The following HMGB1 variants were observed in gnomAD, a reference collection of about 807,000 sequenced individuals.
HMGB1 encodes high mobility group box 1, also known as high mobility group protein B1.
For synonymous variants in HMGB1, 81 were observed against 84.0 expected (o/e 0.96, Z 0.19); for missense variants, 79 against 253.5 (o/e 0.31, Z 4.67).
At chr13:30,564,786 A>G (rs901613083) in intron 1 of HMGB1, among the ~76,000 whole-genome samples, 2 of 152,258 alleles carry the variant, frequency 1.3e-5, no homozygotes, top group African/African-American at 4.8e-5. Flanking sequence ...ATGATGCCTC[A>G]TAGTACAGAA....
In HMGB1 at chr13:30,533,227, C is replaced by T. The variant is rs569278804; in HGVS notation, c.-14-69533G>A. ...ATGCAGGGAGGCACTGGGATTGGAG[C>T]CTGGGGACATTTGTGAAACCACAGC... On this transcript the variant is annotated intron_variant, in intron 1 of 4. Coordinates refer to the HMGB1 transcript ENST00000405805. 2.6e-5 allele frequency among the ~76,000 whole-genome samples: 4 copies of T among 152,306 alleles called. No homozygotes were observed. In the East Asian group the frequency reaches 7.7e-4, roughly 29 times the overall value.
chr13:30,500,682 C>T (rs1244675522), intron 1 of HMGB1, among the ~76,000 whole-genome samples: 1 of 150,560 alleles, frequency 6.6e-6, no homozygotes, highest in East Asian at 1.9e-4. Context: ...GCTGGGATCA[C>T]AGGTGTGCAG....
At chr13:30,503,052 G>A (rs1887770629) in intron 1 of HMGB1, among the ~76,000 whole-genome samples, 1 of 152,004 alleles carries the variant, frequency 6.6e-6, no homozygotes, top group African/African-American at 2.4e-5. Context: ...AAAAGTTTAG[G>A]ATAGGCCAGG....
At chr13:30,569,421 T>G (rs760355539) in intron 1 of HMGB1, among the ~76,000 whole-genome samples, 8 of 152,320 alleles carry the variant, frequency 5.3e-5, no homozygotes, top group Non-Finnish European at 1.0e-4. Context: ...TGCACCAGTC[T>G]TAGTGTAAAC....
intron 1 of HMGB1, among the ~76,000 whole-genome samples, chr13:30,599,787 T>G (rs1448871997): frequency 6.6e-6 from 1 of 152,194 alleles, no homozygotes; most frequent in Non-Finnish European, 1.5e-5. Flanking sequence ...TACGGCCCTG[T>G]GTCCAAATAC....
intron 1 of HMGB1, among the ~76,000 whole-genome samples, chr13:30,581,823 C>T (rs1283584114): frequency 6.6e-6 from 1 of 152,164 alleles, no homozygotes; most frequent in Non-Finnish European, 1.5e-5. Context: ...CTATGCATTT[C>T]ATCTTTAGTA....
chr13:30,551,520 A>G (rs1385205504), intron 1 of HMGB1, among the ~76,000 whole-genome samples: 4 of 152,208 alleles, frequency 2.6e-5, no homozygotes, highest in Non-Finnish European at 4.4e-5. Context: ...TTTCTAATCC[A>G]TTCTCATTAA....
intron 1 of HMGB1, among the ~76,000 whole-genome samples, chr13:30,518,546 T>C (rs191692589): frequency 1.5e-4 from 23 of 152,292 alleles, no homozygotes; most frequent in African/African-American, 5.1e-4. Flanking sequence ...TAATATTCCT[T>C]AACCTCAGTT....
intron 1 of HMGB1, among the ~76,000 whole-genome samples, chr13:30,606,016 A>G (rs947954205): frequency 4.6e-5 from 7 of 152,174 alleles, no homozygotes; most frequent in Non-Finnish European, 1.5e-5. Context: ...AGCTGGGTAT[A>G]TTACAATTTC....
chr13:30,586,208 C>A (rs1566032785), intron 1 of HMGB1, among the ~76,000 whole-genome samples: 1 of 152,268 alleles, frequency 6.6e-6, no homozygotes, highest in East Asian at 1.9e-4. Context: ...GCATGCACAG[C>A]TATGCCTGGC....
chr13:30,590,552 C>T (rs1350349658), intron 1 of HMGB1, among the ~76,000 whole-genome samples: 1 of 152,156 alleles, frequency 6.6e-6, no homozygotes, highest in Non-Finnish European at 1.5e-5. Flanking sequence ...CCATACTGCA[C>T]ATGCAACTGT....
chr13:30,519,093 A>G (rs1462809056), intron 1 of HMGB1, among the ~76,000 whole-genome samples: 1 of 151,838 alleles, frequency 6.6e-6, no homozygotes, highest in Non-Finnish European at 1.5e-5. Context: ...AGTGAGAATT[A>G]TGCTATAATA....
At chr13:30,590,814 C>G (rs1365981320) in intron 1 of HMGB1, among the ~76,000 whole-genome samples, 1 of 152,118 alleles carries the variant, frequency 6.6e-6, no homozygotes, top group African/African-American at 2.4e-5. Flanking sequence ...GGACACACCA[C>G]GAAGGCACCA....
Position 30,457,025 on chromosome 13 carries a change from A to G in HMGB1, c.*4332T>C, listed in dbSNP as rs1886020058. On this transcript the variant is annotated 3_prime_UTR_variant, in exon 5 of 5. Coordinates refer to ENST00000341423, the MANE Select transcript of HMGB1 (RefSeq NM_002128.7). ...GAAAAAATATGTATTATGGAGCACC[A>G]TACTGTGGAATGTCACGTACATGAC... 6.6e-6 allele frequency: 1 copy of G among 152,236 alleles called. No homozygotes were observed. The highest frequency in any genetic ancestry group is 1.5e-5 in the Non-Finnish European group (1 of 68,038). The allele number at this position is 152,236 out of a possible 1,614,324, so 9.4% of individuals were successfully genotyped here. A position where few individuals can be genotyped will look rare whatever the true frequency, so the allele number is the denominator to read the frequency against.
At chr13:30,469,776 G>A (rs1022761169), upstream of HMGB1, among the ~76,000 whole-genome samples, 28 of 152,150 alleles carry the variant, frequency 1.8e-4, no homozygotes, top group African/African-American at 6.3e-4. Context: ...GACTACAGGC[G>A]CGTGCCACCA....
At position 30,545,950 on chromosome 13, in the gene HMGB1, C is replaced by T. The variant is rs1029152001; in HGVS notation, c.-15+70721G>A. ...CTCCTGGGCTCAAGCGAACCACCCA[C>T]CTCGGCCTCCCAAAGTGTTGGGATG... On this transcript the variant is annotated intron_variant, in intron 1 of 4. Transcript: ENST00000405805. 4.6e-5 allele frequency among the ~76,000 whole-genome samples: 7 copies of T among 152,170 alleles called. No individual in the cohort carries two copies. In the East Asian group the frequency reaches 9.6e-4, roughly 21 times the overall value.
intron 1 of HMGB1, among the ~76,000 whole-genome samples, chr13:30,482,125 T>C (rs1887244250): frequency 6.6e-6 from 1 of 152,202 alleles, no homozygotes; most frequent in Non-Finnish European, 1.5e-5. Flanking sequence ...ACACATATTA[T>C]TGTCACATAG....
intron 1 of HMGB1, among the ~76,000 whole-genome samples, chr13:30,527,007 C>T (rs975178162): frequency 1.2e-4 from 19 of 152,236 alleles, no homozygotes; most frequent in Admixed American, 1.1e-3. Context: ...CCTGCAGCTA[C>T]GCAGGCTCCT....
At chr13:30,554,494 A>T (rs1274783681) in intron 1 of HMGB1, 1 of 1,035,980 alleles carries the variant, frequency 9.7e-7, no homozygotes, top group Non-Finnish European at 1.5e-6. Context: ...TAATAGAAGG[A>T]GCAAAATGTA....
Sources: gnomAD v4.1 joint callset for allele counts (sites outside exome capture counted in the v4.1 genomes callset) on GRCh38, gnomAD v4.1.1 for gene constraint, MANE v1.5 for transcripts, NCBI Gene and HGNC (gene_info 2026-07-23, HGNC 2026-07-21) for gene names.